PDE6D: variants seen among roughly 807,000 people sequenced by gnomAD.
PDE6D encodes the protein phosphodiesterase 6D, also known as retinal rod rhodopsin-sensitive cGMP 3',5'-cyclic phosphodiesterase subunit delta.
In PDE6D, 10 loss-of-function variants were observed where a neutral mutation model predicts 21.9. The observed-to-expected ratio is 0.46, with a 90% confidence interval of 0.28 to 0.78. PDE6D has a LOEUF of 0.78. Ranked by LOEUF, PDE6D falls within the 30% of genes least tolerant of loss-of-function variation. The pLI is 0.12. For missense variants in PDE6D, 139 were observed against 184.8 expected (o/e 0.75, Z 1.44); for synonymous variants, 59 against 63.5 (o/e 0.93, Z 0.34).
At chr2:231,750,660 A>ATTTTTT (rs561604556) in intron 1 of PDE6D, among the ~76,000 whole-genome samples, 18 of 92,084 alleles carry the variant, frequency 2.0e-4, no homozygotes, top group African/African-American at 8.2e-4. Context: ...TGCTCATCTA[A>ATTTTTT]TTTTTTTTTT....
chr2:231,776,333 A>AAT (rs1296367593), intron 1 of PDE6D, among the ~76,000 whole-genome samples: 8 of 151,688 alleles, frequency 5.3e-5, no homozygotes, highest in Non-Finnish European at 7.4e-5. Flanking sequence ...AAAAAAAAAA[A>AAT]AAAAAAAAAA....
chr2:231,738,714 G>A (rs980902248), intron 2 of PDE6D, among the ~76,000 whole-genome samples: 2 of 151,834 alleles, frequency 1.3e-5, no homozygotes, highest in African/African-American at 4.8e-5. Flanking sequence ...TCCGGAGTTC[G>A]AGACCAGGAT....
intron 2 of PDE6D, among the ~76,000 whole-genome samples, chr2:231,738,519 C>A (rs149744861): frequency 1.0e-3 from 158 of 152,208 alleles, no homozygotes; most frequent in African/African-American, 3.6e-3. Flanking sequence ...TGCAAATTTT[C>A]TTTTGGAGAA....
chr2:231,739,200 T>C lies in PDE6D; in HGVS notation c.51-12A>G. ...GGTTCATCCAATTTCTGATCAAATA[T>C]GACTAAGGAAAAATAAGGCACTGAA... On this transcript the variant is annotated splice_polypyrimidine_tract_variant and intron_variant, in intron 1 of 4. Transcript: ENST00000287600. The surrounding 1 kb of genome is among the most constrained non-coding windows in gnomAD (Gnocchi z 4.2). 6.4e-7 allele frequency: 1 copy of C among 1,565,746 alleles called. No individual in the cohort carries two copies. Among genetic ancestry groups the C allele is most frequent in the Non-Finnish European group, 8.8e-7 (1 of 1,136,088 alleles).
In PDE6D at chr2:231,739,451, C is replaced by T. The variant is rs969669506; in HGVS notation, c.51-263G>A. 2.0e-5 allele frequency among the ~76,000 whole-genome samples: 3 copies of T among 152,014 alleles called. No individual in the cohort carries two copies. The highest frequency in any genetic ancestry group is 2.1e-4 in the South Asian group (1 of 4,822). On this transcript the variant is annotated intron_variant, in intron 1 of 4. Coordinates refer to ENST00000287600, the MANE Select transcript of PDE6D (RefSeq NM_002601.4). This position sits in a 1 kb window ranked among gnomAD's most constrained non-coding sequence, Gnocchi z 4.2. The stretch of plus-strand genomic sequence containing the variant: ...GAGACTGCAAGAAAGGGACAGAAAA[C>T]GAATAGTGCAAAATTTAAAATTTAC...
intron 1 of PDE6D, among the ~76,000 whole-genome samples, chr2:231,780,389 G>C (rs2049100292): frequency 6.6e-6 from 1 of 152,104 alleles, no homozygotes; most frequent in Non-Finnish European, 1.5e-5. Flanking sequence ...GGCGCTGAGG[G>C]GGAAGCAGTG....
chr2:231,760,613 A>G (rs1227725749), intron 1 of PDE6D, among the ~76,000 whole-genome samples: 1 of 152,120 alleles, frequency 6.6e-6, no homozygotes, highest in African/African-American at 2.4e-5. Context: ...TGTACCAGGG[A>G]GAGACTGAGG....
intron 4 of PDE6D, among the ~76,000 whole-genome samples, chr2:231,734,106 C>A (rs113272407): frequency 2.0e-5 from 3 of 151,586 alleles, no homozygotes; most frequent in African/African-American, 4.9e-5. Flanking sequence ...CCCAGCTACT[C>A]GGGAGGCTGA....
intron 1 of PDE6D, among the ~76,000 whole-genome samples, chr2:231,765,371 A>C (rs369507656): frequency 6.6e-6 from 1 of 151,870 alleles, no homozygotes; most frequent in African/African-American, 2.4e-5. Context: ...GAACCAAAAA[A>C]CCTCCACTCT....
rs1433970895 is a variant in PDE6D, at chr2:231,735,228, C to T, written c.371+1959G>A. ...CTGCACTCCAGCCTGGGCAACAGAG[C>T]GAGACTCCATATCAAAAAAAAAAAA... is the stretch of plus-strand genomic sequence containing the variant. On this transcript the variant is annotated intron_variant, in intron 4 of 4. Transcript: ENST00000287600. 3.9e-5 allele frequency among the ~76,000 whole-genome samples: 5 copies of T among 127,070 alleles called. No individual in the cohort carries two copies. In the South Asian group the frequency reaches 1.0e-3, roughly 26 times the overall value. 83.4% of individuals were successfully genotyped at this position (127,070 alleles called of 152,430 possible). A position where few individuals can be genotyped will look rare whatever the true frequency, so the allele number is the denominator to read the frequency against.
Position 231,760,592 on chromosome 2 carries a change from C to T in PDE6D, c.50+20473G>A, listed in dbSNP as rs186296523. Among the ~76,000 whole-genome samples, 7 of 152,248 alleles carry T rather than the reference C, an allele frequency of 4.6e-5. No individual in the cohort carries two copies. In the East Asian group the frequency reaches 1.3e-3, roughly 29 times the overall value. ...TTATATGACACCCCCAGCTATCCTG[C>T]ATACCCAGTTTGTACCAGGGAGAGA... On this transcript the variant is annotated intron_variant, in intron 1 of 4. Transcript: ENST00000287600.
chr2:231,733,262 G>C (rs2048666508), intron 4 of PDE6D, among the ~76,000 whole-genome samples: 1 of 152,154 alleles, frequency 6.6e-6, no homozygotes, highest in South Asian at 2.1e-4. Context: ...AATCAGAAGT[G>C]AGAGCATGTC....
chr2:231,772,470 G>T (rs1220490482), intron 1 of PDE6D, among the ~76,000 whole-genome samples: 2 of 152,208 alleles, frequency 1.3e-5, no homozygotes, highest in Non-Finnish European at 2.9e-5. Context: ...AAAGAATGCT[G>T]CTCTCAGAAC....
At chr2:231,737,017 T>G (rs960202366) in intron 4 of PDE6D, among the ~76,000 whole-genome samples, 170 bp downstream of exon 4, 3 of 152,196 alleles carry the variant, frequency 2.0e-5, no homozygotes, top group African/African-American at 7.2e-5. Flanking sequence ...TCATACTGTC[T>G]TTTTCATATG....
chr2:231,757,319 A>G (rs776374089), intron 1 of PDE6D, among the ~76,000 whole-genome samples: 1 of 149,082 alleles, frequency 6.7e-6, no homozygotes, highest in South Asian at 2.1e-4. Context: ...TTTTCTTTAG[A>G]TGAGTTTTGC....
At chr2:231,734,453 T>TAA (rs112709614) in intron 4 of PDE6D, among the ~76,000 whole-genome samples, 3 of 143,902 alleles carry the variant, frequency 2.1e-5, no homozygotes, top group African/African-American at 7.6e-5. Flanking sequence ...TAATAAAATC[T>TAA]AAAAAAAAAA....
chr2:231,769,278 C>T (rs183755149), intron 1 of PDE6D, among the ~76,000 whole-genome samples: 68 of 152,312 alleles, frequency 4.5e-4, no homozygotes, highest in African/African-American at 1.5e-3. Flanking sequence ...ATGACCAGAA[C>T]GCAGCTTTTC....
Position 231,781,271 on chromosome 2 carries a change from C to T in PDE6D, c.-157G>A, listed in dbSNP as rs992076789. On this transcript the variant is annotated 5_prime_UTR_variant, in exon 1 of 5. Transcript: ENST00000287600. ...GACCGGCCTCTCTCTCCCCTCAGCT[C>T]CCGCTTCTGATCCCTTCTCCTTCCC... is the stretch of plus-strand genomic sequence containing the variant. 1 of 654,042 alleles carries T rather than the reference C, an allele frequency of 1.5e-6. No individual in the cohort carries two copies. Among genetic ancestry groups the T allele is most frequent in the Non-Finnish European group, 2.7e-6 (1 of 368,408 alleles). 40.5% of individuals were successfully genotyped at this position (654,042 alleles called of 1,614,324 possible). A position where few individuals can be genotyped will look rare whatever the true frequency, so the allele number is the denominator to read the frequency against.
chr2:231,780,790 G>A (rs1225675378), intron 1 of PDE6D, among the ~76,000 whole-genome samples: 1 of 152,028 alleles, frequency 6.6e-6, no homozygotes, highest in African/African-American at 2.4e-5. Context: ...TCCGACGCCC[G>A]GCACCTCTCG....
Sources: gnomAD v4.1 joint callset for allele counts (sites outside exome capture counted in the v4.1 genomes callset) on GRCh38, gnomAD v4.1.1 for gene constraint, Gnocchi (gnomAD v3.1) non-coding constraint, MANE v1.5 for transcripts, NCBI Gene and HGNC (gene_info 2026-07-23, HGNC 2026-07-21) for gene names.